The following CACNA1E variants were observed in gnomAD, a reference collection of about 807,000 sequenced individuals.
The protein encoded by CACNA1E is voltage-dependent R-type calcium channel subunit alpha-1E.
CACNA1E carries 40 observed loss-of-function variants against 259.2 expected under a neutral mutation model. That is an observed-to-expected ratio of 0.15 (90% CI 0.12 to 0.20). The LOEUF is 0.20. Among genes scored for constraint, CACNA1E ranks in the 10% least tolerant of loss-of-function variants. The pLI, the probability that CACNA1E is intolerant of heterozygous loss-of-function variation, is 1.00. For synonymous variants in CACNA1E, 1,104 were observed against 1,138.5 expected, an observed-to-expected ratio of 0.97 and a Z score of 0.61; for missense variants, 1,874 against 3,040.1, an observed-to-expected ratio of 0.62 and a Z score of 9.02.
At chr1:181,752,006 T>C (rs1435574782) in intron 26 of CACNA1E, 137 bp from the exon 27 acceptor site, 1 of 727,684 alleles carries the variant, frequency 1.4e-6, no homozygotes, top group South Asian at 1.5e-5. Context: ...CAAATCTGAC[T>C]CAGTTTCTGG....
chr1:181,318,205 C>CGGCGG (rs1650047860), intron 1 of CACNA1E: 1 of 152,202 alleles, frequency 6.6e-6, no homozygotes, highest in Non-Finnish European at 1.5e-5. Flanking sequence ...CTGCACTCCC[C>CGGCGG]GGCGGCGCCA....
intron 7 of CACNA1E, among the ~76,000 whole-genome samples, chr1:181,691,061 A>C (rs1651103883): frequency 6.6e-6 from 1 of 151,672 alleles, no homozygotes; most frequent in South Asian, 2.1e-4. Context: ...CTTTTCAAAT[A>C]TTTTCTCTCA....
chr1:181,474,417 GAAAC>G lies in CACNA1E; in HGVS notation c.435-9326_435-9323del, dbSNP rs531520740. 5.9e-5 allele frequency among the ~76,000 whole-genome samples: 9 copies of G among 152,214 alleles called. No homozygotes were observed. In the South Asian group the frequency reaches 1.9e-3, roughly 31 times the overall value. ...GTAAACTGCACATTAGGAATATTCAGAAACCTGCAAAAGAGCCTGTAATTCTTCA... is the reference window on the plus strand; with the variant it reads ...GTAAACTGCACATTAGGAATATTCAGCTGCAAAAGAGCCTGTAATTCTTCA... On this transcript the variant is annotated intron_variant, in intron 2 of 11. Coordinates refer to the CACNA1E transcript ENST00000524607.
intron 1 of CACNA1E, among the ~76,000 whole-genome samples, chr1:181,410,550 G>T (rs555155487): frequency 3.9e-5 from 6 of 152,296 alleles, no homozygotes; most frequent in African/African-American, 1.4e-4. Context: ...CTCCCATCAG[G>T]CTTTATCATG....
At chr1:181,435,740 C>T (rs1361552100) in intron 2 of CACNA1E, among the ~76,000 whole-genome samples, 6 of 152,140 alleles carry the variant, frequency 3.9e-5, no homozygotes, top group Admixed American at 3.3e-4. Context: ...GATACTAATA[C>T]AGTCAAAGGA....
chr1:181,564,547 T>G (rs1247105357), intron 3 of CACNA1E, among the ~76,000 whole-genome samples: 1 of 152,234 alleles, frequency 6.6e-6, no homozygotes, highest in African/African-American at 2.4e-5. Context: ...AAGTCATACA[T>G]AAGAGTTGGA....
Position 181,719,654 on chromosome 1 carries a change from T to C in CACNA1E, c.1639-97T>C, listed in dbSNP as rs909553467. ...GGAGAGGAGAGTTTTTATTTCCCCATCCCCCACTGAGAGCTGTTGATGGTG... is the reference window on the plus strand; with the variant it reads ...GGAGAGGAGAGTTTTTATTTCCCCACCCCCCACTGAGAGCTGTTGATGGTG... On this transcript the variant is annotated intron_variant, in intron 12 of 47. Transcript: ENST00000367573. 12 of 585,894 alleles carry C rather than the reference T, an allele frequency of 2.0e-5. No homozygotes were observed. The Admixed American group carries it at 3.1e-4, about 15-fold the overall frequency. 36.3% of individuals were successfully genotyped at this position (585,894 alleles called of 1,614,324 possible).
chr1:181,637,149 A>G (rs566076477), intron 6 of CACNA1E, among the ~76,000 whole-genome samples: 6 of 152,346 alleles, frequency 3.9e-5, no homozygotes, highest in Non-Finnish European at 7.3e-5. Context: ...GACTGTAGCT[A>G]TATGAGAAAG....
chr1:181,557,171 G>A (rs752779778), intron 3 of CACNA1E, among the ~76,000 whole-genome samples: 3 of 152,144 alleles, frequency 2.0e-5, no homozygotes, highest in Non-Finnish European at 2.9e-5. Context: ...CTGGCTTCTG[G>A]AAGGCTCAGC....
At chr1:181,573,412 G>A (rs186294395) in intron 3 of CACNA1E, among the ~76,000 whole-genome samples, 2 of 152,226 alleles carry the variant, frequency 1.3e-5, no homozygotes, top group East Asian at 3.9e-4. Context: ...TACTTACAAG[G>A]CCCATAGTTT....
chr1:181,635,701 A>T (rs148646761), intron 6 of CACNA1E, among the ~76,000 whole-genome samples: 2 of 152,344 alleles, frequency 1.3e-5, no homozygotes, highest in African/African-American at 4.8e-5. Flanking sequence ...CTGCAGGTCC[A>T]GGGGCCACAC....
Position 181,775,622 on chromosome 1 carries a change from A to C in CACNA1E, c.5140-479A>C, listed in dbSNP as rs368202813. On this transcript the variant is annotated intron_variant, in intron 37 of 47. Coordinates refer to ENST00000367573, the MANE Select transcript of CACNA1E (RefSeq NM_001205293.3). ...TCAGGTTTACCACCTGTTTTTGTAT[A>C]GCCCATGAAATAATGGCTTCTATGT... Among the ~76,000 whole-genome samples, 482 of 152,352 alleles carry C rather than the reference A, an allele frequency of 3.2e-3. 4 individuals carry two copies. The highest frequency in any genetic ancestry group is 0.011 in the African/African-American group (474 of 41,582).
chr1:181,752,729 C>A (rs1169891109), intron 27 of CACNA1E, among the ~76,000 whole-genome samples: 5 of 152,236 alleles, frequency 3.3e-5, no homozygotes, highest in Non-Finnish European at 7.3e-5. Flanking sequence ...GTAACTTGTC[C>A]AAGGACATGC....
chr1:181,467,576 C>T (rs1017120315), intron 2 of CACNA1E, among the ~76,000 whole-genome samples: 1 of 152,078 alleles, frequency 6.6e-6, no homozygotes, highest in East Asian at 1.9e-4. Context: ...GCTGTCCCTT[C>T]AGTTTCTTTT....
intron 3 of CACNA1E, among the ~76,000 whole-genome samples, chr1:181,546,788 A>C (rs1303028959): frequency 1.3e-5 from 2 of 152,186 alleles, no homozygotes; most frequent in African/African-American, 2.4e-5. Flanking sequence ...TCTGAATATC[A>C]GTGTCGGGCC....
chr1:181,473,252 G>T (rs765249578), intron 2 of CACNA1E, among the ~76,000 whole-genome samples: 14 of 152,168 alleles, frequency 9.2e-5, no homozygotes, highest in Non-Finnish European at 2.1e-4. Flanking sequence ...GCTAACTGAG[G>T]CTGGCCTACC....
At chr1:181,344,298 T>A (rs1652414970) in intron 1 of CACNA1E, among the ~76,000 whole-genome samples, 1 of 152,182 alleles carries the variant, frequency 6.6e-6, no homozygotes, top group Non-Finnish European at 1.5e-5. Context: ...ACATCAAACG[T>A]ACTTCCGTAC....
chr1:181,426,058 T>G (rs1247091030), intron 2 of CACNA1E, among the ~76,000 whole-genome samples: 1 of 152,112 alleles, frequency 6.6e-6, no homozygotes, highest in African/African-American at 2.4e-5. Flanking sequence ...TTTCTGCTCT[T>G]GGAGTAGGAC....
rs57394656 is a variant in CACNA1E, at chr1:181,735,335, T to TA, written c.3263-936dup. Among the ~76,000 whole-genome samples, 191 of 152,376 alleles carry TA rather than the reference T, an allele frequency of 1.3e-3. 1 individual carries two copies. The highest frequency in any genetic ancestry group is 4.3e-3 in the African/African-American group (179 of 41,586). On this transcript the variant is annotated intron_variant, in intron 21 of 47. Transcript: ENST00000367573. ...GCTAGTCTTTGGTCTTGGTCATAGG[T>TA]AAAAGCATGTGATAGGAAGGCTTTT...
Sources: allele counts gnomAD v4.1 joint callset (sites outside exome capture counted in the v4.1 genomes callset), GRCh38; gene constraint gnomAD v4.1.1; transcripts MANE v1.5; gene names NCBI Gene and HGNC (gene_info 2026-07-23, HGNC 2026-07-21).